DNAH14: variants seen among roughly 807,000 people sequenced by gnomAD.
DNAH14 encodes dynein axonemal heavy chain 14.
A neutral mutation model predicts 520.9 loss-of-function variants in DNAH14; 478 were observed. That is an observed-to-expected ratio of 0.92 (90% CI 0.85 to 0.99). The LOEUF (loss-of-function observed/expected upper bound fraction) is 0.99. DNAH14 is among the 50% of genes least tolerant of loss of function. DNAH14 has a pLI of 0.00. For missense variants in DNAH14, 4,831 were observed against 5,234.5 expected, an observed-to-expected ratio of 0.92 and a Z score of 2.38; for synonymous variants, 1,581 against 1,757.2, an observed-to-expected ratio of 0.90 and a Z score of 2.51.
At chr1:225,270,143 TA>T (rs2093269945) in intron 49 of DNAH14, among the ~76,000 whole-genome samples, 3 of 151,960 alleles carry the variant, frequency 2.0e-5, no homozygotes, top group South Asian at 4.2e-4. Context: ...TATGCAGCCA[TA>T]AAAAAGGATG....
intron 41 of DNAH14, among the ~76,000 whole-genome samples, chr1:225,219,010 C>T (rs2089751448): frequency 6.6e-6 from 1 of 151,616 alleles, no homozygotes; most frequent in African/African-American, 2.4e-5. Flanking sequence ...TCACTCAAAA[C>T]CACACAACTA....
chr1:225,259,681 A>C (rs895263708), intron 46 of DNAH14, among the ~76,000 whole-genome samples: 6 of 152,136 alleles, frequency 3.9e-5, no homozygotes, highest in Admixed American at 2.6e-4. Flanking sequence ...TCTAACTGAA[A>C]CTTTGTACCC....
chr1:225,279,565 A>C (rs1261954468), intron 54 of DNAH14, among the ~76,000 whole-genome samples: 1 of 152,234 alleles, frequency 6.6e-6, no homozygotes, highest in Non-Finnish European at 1.5e-5. Context: ...AAAAAGTAAA[A>C]GAAGAAATTG....
intron 17 of DNAH14, among the ~76,000 whole-genome samples, chr1:225,052,605 G>A (rs1395115): frequency 0.91 from 138,197 of 152,198 alleles, 64,179 homozygotes; most frequent in East Asian, 1. Context: ...AGTCTAATCT[G>A]GAAGAAAATG....
At chr1:225,030,269 G>T (rs1222170629) in intron 11 of DNAH14, among the ~76,000 whole-genome samples, 1 of 151,838 alleles carries the variant, frequency 6.6e-6, no homozygotes, top group Non-Finnish European at 1.5e-5. Context: ...TGCTTAGAGG[G>T]AATTTATACA....
In DNAH14 at chr1:225,368,037, G is replaced by C. The variant is rs2150609830; in HGVS notation, c.12318+5G>C. ...TTTAATTCTTCAGACTTGGGGGTAA[G>C]TGTAGTCTCTTCAAACAAACAACAA... On this transcript the variant is annotated splice_donor_5th_base_variant and intron_variant, in intron 77 of 85. Transcript: ENST00000682510. 3 of 1,538,236 alleles carry C rather than the reference G, an allele frequency of 2.0e-6. No homozygotes were observed. The East Asian group carries it at 7.3e-5, about 38-fold the overall frequency.
At chr1:225,228,165 C>G (rs1320950386) in intron 41 of DNAH14, among the ~76,000 whole-genome samples, 1 of 152,186 alleles carries the variant, frequency 6.6e-6, no homozygotes, top group East Asian at 1.9e-4. Flanking sequence ...CCATAGTCAT[C>G]TTGGCAACTG....
chr1:225,298,241 G>A (rs1021464349), intron 55 of DNAH14, among the ~76,000 whole-genome samples: 30 of 151,804 alleles, frequency 2.0e-4, no homozygotes, highest in Non-Finnish European at 2.4e-4. Context: ...ACCTGACTGT[G>A]GGCACAGAGC....
chr1:225,154,638 T>C (rs898131732), intron 34 of DNAH14, among the ~76,000 whole-genome samples: 1 of 152,024 alleles, frequency 6.6e-6, no homozygotes, highest in Non-Finnish European at 1.5e-5. Context: ...TAAACAGCCA[T>C]CAGGATAAAG....
chr1:225,015,379 CTT>C (rs1344713171), intron 10 of DNAH14, among the ~76,000 whole-genome samples: 2 of 152,114 alleles, frequency 1.3e-5, no homozygotes, highest in African/African-American at 2.4e-5. Context: ...TTCTTCCTCT[CTT>C]ATTGTTATTT....
Position 225,089,254 on chromosome 1 carries a change from G to A in DNAH14, c.3573+3465G>A, listed in dbSNP as rs2074107841. On this transcript the variant is annotated intron_variant, in intron 21 of 85. Coordinates refer to ENST00000682510, the MANE Select transcript of DNAH14 (RefSeq NM_001367479.1). ...AGGTCAGGAGTTTGAGACCAACCTG[G>A]CCAACATGGTGAAACCTTGTCTCTA... Among the ~76,000 whole-genome samples, 3 of 152,000 alleles carry A rather than the reference G, an allele frequency of 2.0e-5. No individual in the cohort carries two copies. In the East Asian group the frequency reaches 5.8e-4, roughly 29 times the overall value.
chr1:225,059,243 G>T (rs1411980513), intron 17 of DNAH14, among the ~76,000 whole-genome samples: 5 of 152,270 alleles, frequency 3.3e-5, no homozygotes, highest in Admixed American at 3.3e-4. Flanking sequence ...AGGATAGTTA[G>T]CTCTTCTTGT....
chr1:225,076,991 T>C (rs1297206108), intron 17 of DNAH14, among the ~76,000 whole-genome samples: 1 of 152,072 alleles, frequency 6.6e-6, no homozygotes, highest in Non-Finnish European at 1.5e-5. Context: ...CCCTGCCCTG[T>C]GTCCAAGCTG....
chr1:225,205,547 A>G (rs1026547563), intron 39 of DNAH14, among the ~76,000 whole-genome samples: 2 of 152,218 alleles, frequency 1.3e-5, no homozygotes, highest in Non-Finnish European at 2.9e-5. Flanking sequence ...TGGGTTCCAA[A>G]TATAGTATAC....
chr1:225,311,849 C>G (rs2094373401), intron 60 of DNAH14, among the ~76,000 whole-genome samples: 1 of 152,046 alleles, frequency 6.6e-6, no homozygotes, highest in Non-Finnish European at 1.5e-5. Context: ...TTACTGTAGC[C>G]TTGTAGTATA....
intron 17 of DNAH14, among the ~76,000 whole-genome samples, chr1:225,069,979 C>G (rs2071363586): frequency 6.6e-6 from 1 of 152,046 alleles, no homozygotes; most frequent in Non-Finnish European, 1.5e-5. Flanking sequence ...TCTAGATTTT[C>G]TAGCTTATGT....
intron 56 of DNAH14, among the ~76,000 whole-genome samples, chr1:225,302,306 C>T (rs1350282478): frequency 6.6e-6 from 1 of 151,660 alleles, no homozygotes; most frequent in African/African-American, 2.4e-5. Context: ...TAAACATTTC[C>T]ACATTGTATG....
At chr1:225,072,035 C>T (rs2071606632) in intron 17 of DNAH14, among the ~76,000 whole-genome samples, 1 of 152,148 alleles carries the variant, frequency 6.6e-6, no homozygotes, top group Non-Finnish European at 1.5e-5. Flanking sequence ...GGATGATCTT[C>T]TCGTGGATCT....
chr1:225,328,213 A>G (rs75810790), intron 64 of DNAH14, among the ~76,000 whole-genome samples: 5,984 of 152,316 alleles, frequency 0.039, 175 homozygotes, highest in Middle Eastern at 0.075. Context: ...CAAAAGCATT[A>G]TGTTACATAT....
Sources: gnomAD v4.1 joint callset for allele counts (sites outside exome capture counted in the v4.1 genomes callset) on GRCh38, gnomAD v4.1.1 for gene constraint, MANE v1.5 for transcripts, NCBI Gene and HGNC (gene_info 2026-07-23, HGNC 2026-07-21) for gene names.